CDC23: variants seen among roughly 807,000 people sequenced by gnomAD.
CDC23 encodes cell division cycle 23.
A neutral mutation model predicts 81.7 loss-of-function variants in CDC23; 26 were observed. The ratio of observed to expected loss-of-function variants is 0.32; its 90% CI spans 0.23 to 0.44. CDC23 has a LOEUF of 0.44. Among genes scored for constraint, CDC23 ranks in the 20% least tolerant of loss-of-function variants. CDC23 has a pLI of 1.00. For missense variants in CDC23, 519 were observed against 728.0 expected, an observed-to-expected ratio of 0.71 and a Z score of 3.30; for synonymous variants, 267 against 270.8, an observed-to-expected ratio of 0.99 and a Z score of 0.14.
At position 138,213,153 on chromosome 5, in the gene CDC23, A is replaced by T; in HGVS notation, c.160T>A (p.Trp54Arg). The change falls in exon 1 of 16, where the codon TGG becomes AGG. Residue 54 changes from tryptophan (W) to arginine (R), a missense_variant and splice_region_variant. By Grantham distance (101) the Trp-to-Arg change is moderately radical (BLOSUM62 -3). Coordinates refer to ENST00000394886, the MANE Select transcript of CDC23 (RefSeq NM_004661.4). Reference protein sequence around the residue: ...RERGLLHSSKWSAELAFSLPA... With the variant: ...RERGLLHSSKRSAELAFSLPA... Reference sequence around the variant, plus strand: ...TCCCTTCCCACTCCAACATCTCACCATTTGCTACTGTGTAGTAGGCCCCGC... The same window carrying T: ...TCCCTTCCCACTCCAACATCTCACCTTTTGCTACTGTGTAGTAGGCCCCGC... The T allele has an allele frequency of 6.2e-7, 1 of 1,613,846 alleles. No individual in the cohort carries two copies. Among genetic ancestry groups the T allele is most frequent in the South Asian group, 1.1e-5 (1 of 91,046 alleles).
chr5:138,191,568 T>C, intron 12 of CDC23, 33 bp from the exon 13 acceptor site: 1 of 1,585,732 alleles, frequency 6.3e-7, no homozygotes, highest in East Asian at 2.2e-5. Context: ...ATTTTGACCA[T>C]TGTCCCATGT....
At chr5:138,196,662 C>T (rs942859884) in intron 9 of CDC23, among the ~76,000 whole-genome samples, 7 of 151,306 alleles carry the variant, frequency 4.6e-5, no homozygotes, top group South Asian at 2.1e-4. Context: ...CTCACTGCAA[C>T]CTCCGCCTCC....
In CDC23 at chr5:138,201,164, C is replaced by T. The variant is rs765155085; in HGVS notation, c.597G>A (p.Leu199=). 6.2e-7 allele frequency: 1 copy of T among 1,614,168 alleles called. No individual in the cohort carries two copies. Among genetic ancestry groups the T allele is most frequent in the Admixed American group, 1.7e-5 (1 of 60,020 alleles). The change falls in exon 6 of 16, where the codon TTG becomes TTA. Residue 199 remains leucine (L), a synonymous_variant. Transcript: ENST00000394886. ...IDVFVEATHV[L]PLHWGAWLEL... ...CTAACCAGGCTCCCCAATGCAAGGG[C>T]AAAACATGAGTAGCTTCCACAAACA...
intron 6 of CDC23, among the ~76,000 whole-genome samples, chr5:138,199,055 A>G (rs1023104877): frequency 2.6e-5 from 4 of 152,194 alleles, no homozygotes; most frequent in African/African-American, 9.7e-5. Context: ...GGAGAGGAAG[A>G]GAAAGAAGAC....
At chr5:138,190,049 A>G in intron 13 of CDC23, 143 bp from the exon 14 acceptor site, 1 of 667,708 alleles carries the variant, frequency 1.5e-6, no homozygotes. Context: ...GAACTAGAAT[A>G]GTATTAGATG....
intron 2 of CDC23, among the ~76,000 whole-genome samples, chr5:138,207,656 T>G (rs1218808417): frequency 1.3e-5 from 2 of 152,140 alleles, no homozygotes; most frequent in Non-Finnish European, 2.9e-5. Flanking sequence ...TAATGTCACA[T>G]TTAAGTTAAA....
intron 13 of CDC23, among the ~76,000 whole-genome samples, chr5:138,190,343 A>C (rs908209683): frequency 6.6e-6 from 1 of 151,818 alleles, no homozygotes; most frequent in Non-Finnish European, 1.5e-5. Flanking sequence ...CTGTAATCCC[A>C]CCTACTCAGG....
At chr5:138,194,749 T>G (rs1754864901) in intron 9 of CDC23, among the ~76,000 whole-genome samples, 1 of 149,846 alleles carries the variant, frequency 6.7e-6, no homozygotes, top group Admixed American at 6.7e-5. Flanking sequence ...GAGACAGAGT[T>G]TCGCTCTTGT....
intron 9 of CDC23, among the ~76,000 whole-genome samples, chr5:138,196,567 G>A (rs1378719316): frequency 2.7e-5 from 4 of 145,542 alleles, no homozygotes; most frequent in South Asian, 2.2e-4. Flanking sequence ...GATTACAGGC[G>A]CTGTGAGCCC....
chr5:138,210,982 A>T (rs1397528515), intron 2 of CDC23, among the ~76,000 whole-genome samples: 1 of 152,212 alleles, frequency 6.6e-6, no homozygotes, highest in African/African-American at 2.4e-5. Flanking sequence ...AACTAAAAAC[A>T]GAATTACCAT....
At chr5:138,200,951 A>G (rs550754108) in intron 6 of CDC23, 156 bp downstream of exon 6, 19 of 704,534 alleles carry the variant, frequency 2.7e-5, no homozygotes, top group Admixed American at 1.5e-4. Flanking sequence ...TCTTTCAAAC[A>G]AAGACTTACT....
At chr5:138,212,540 ACTC>A (rs751831170) in intron 2 of CDC23, among the ~76,000 whole-genome samples, 3 of 151,756 alleles carry the variant, frequency 2.0e-5, no homozygotes, top group Non-Finnish European at 4.4e-5. Context: ...CTGGTCTCGA[ACTC>A]CTAACCTCGT....
intron 3 of CDC23, among the ~76,000 whole-genome samples, chr5:138,203,181 A>C (rs17234800): frequency 0.017 from 2,582 of 152,288 alleles, 74 homozygotes; most frequent in African/African-American, 0.058. Flanking sequence ...AAGGAAAGGA[A>C]GGGGAAATGG....
chr5:138,201,040 CT>C (rs1754983391), intron 6 of CDC23, 66 bp downstream of exon 6: 18 of 1,569,394 alleles, frequency 1.1e-5, no homozygotes, highest in Admixed American at 1.9e-5. Flanking sequence ...TTCCCCACCC[CT>C]ATATTACTAC....
At chr5:138,208,079 G>A (rs1181016339) in intron 2 of CDC23, among the ~76,000 whole-genome samples, 4 of 151,288 alleles carry the variant, frequency 2.6e-5, no homozygotes, top group East Asian at 1.9e-4. Flanking sequence ...CTCCTGCCTC[G>A]GCCTCCCTAG....
intron 9 of CDC23, 145 bp downstream of exon 9, chr5:138,198,054 C>T (rs1467862934): frequency 1.8e-5 from 11 of 618,790 alleles, no homozygotes; most frequent in Non-Finnish European, 8.4e-6. Flanking sequence ...GACATCTGGG[C>T]TCTCAAGCGA....
intron 11 of CDC23, 51 bp downstream of exon 11, chr5:138,192,218 A>T: frequency 6.2e-7 from 1 of 1,603,976 alleles, no homozygotes; most frequent in Non-Finnish European, 8.5e-7. Flanking sequence ...GAGGAAAAAA[A>T]AGTTATTAGC....
Position 138,198,292 on chromosome 5 carries a change from G to C in CDC23, c.931-12C>G, listed in dbSNP as rs1304053125. Reference sequence around the variant, plus strand: ...TCCGATTTCATGCTCTGGGATAAAAGAAAAAGACAATATAAGCATGAAAAA... The same window carrying C: ...TCCGATTTCATGCTCTGGGATAAAACAAAAAGACAATATAAGCATGAAAAA... On this transcript the variant is annotated splice_polypyrimidine_tract_variant and intron_variant, in intron 8 of 15. Coordinates refer to ENST00000394886, the MANE Select transcript of CDC23 (RefSeq NM_004661.4). 1 of 1,609,452 alleles carries C rather than the reference G, an allele frequency of 6.2e-7. No individual in the cohort carries two copies. Among genetic ancestry groups the C allele is most frequent in the South Asian group, 1.1e-5 (1 of 90,736 alleles).
chr5:138,189,561 G>A, intron 15 of CDC23, 72 bp downstream of exon 15: 1 of 1,493,784 alleles, frequency 6.7e-7, no homozygotes, highest in Non-Finnish European at 9.1e-7. Flanking sequence ...CCTGGCCAAG[G>A]TAGGCTTTCC....
Sources: allele counts gnomAD v4.1 joint callset (sites outside exome capture counted in the v4.1 genomes callset), GRCh38; gene constraint gnomAD v4.1.1; transcripts MANE v1.5; gene names NCBI Gene and HGNC (gene_info 2026-07-23, HGNC 2026-07-21).